The following CALY variants were observed in gnomAD, a reference collection of about 807,000 sequenced individuals.
CALY encodes neuron-specific vesicular protein calcyon.
Under a neutral mutation model 20.2 loss-of-function variants are expected in CALY, and 15 were observed. The observed-to-expected ratio is 0.74, with a 90% CI of 0.50 to 1.14. The LOEUF is 1.14. Among genes scored for constraint, CALY ranks in the 50% most tolerant of loss-of-function variants. CALY has a pLI of 0.00. For synonymous variants in CALY, 129 were observed against 131.8 expected, an observed-to-expected ratio of 0.98 and a Z score of 0.15; for missense variants, 270 against 304.4, an observed-to-expected ratio of 0.89 and a Z score of 0.84.
rs1282729971 is a variant in CALY at position 133,326,870 on chromosome 10, C to T, written c.360+8G>A. ...CTACACCCCCCACCAGAGCCCTGGC[C>T]CCCTTACCCGCAGCAGGAAGCCGTC... On this transcript the variant is annotated splice_region_variant and intron_variant, in intron 4 of 5. Transcript: ENST00000252939. The T allele has an allele frequency of 6.3e-7, 1 of 1,590,288 alleles. No individual in the cohort carries two copies. The highest frequency in any genetic ancestry group is 8.6e-7 in the Non-Finnish European group (1 of 1,166,642).
At chr10:133,333,312 G>A (rs1267862715) in intron 1 of CALY, among the ~76,000 whole-genome samples, 1 of 102,680 alleles carries the variant, frequency 9.7e-6, no homozygotes, top group East Asian at 3.6e-4. Context: ...GGAAGGATCC[G>A]AGGGGTGAGG....
chr10:133,329,541 A>T (rs1201840958), intron 1 of CALY, among the ~76,000 whole-genome samples: 1 of 151,712 alleles, frequency 6.6e-6, no homozygotes, highest in Non-Finnish European at 1.5e-5. Flanking sequence ...GCGCCCCACC[A>T]CGCCTGGCTA....
At chr10:133,336,411 C>T (rs1848444290) in intron 1 of CALY, among the ~76,000 whole-genome samples, 1 of 142,680 alleles carries the variant, frequency 7.0e-6, no homozygotes, top group African/African-American at 2.5e-5. Flanking sequence ...GTGCTCTGGT[C>T]CGACGCCCCT....
chr10:133,335,592 G>C (rs1436363447), intron 1 of CALY, among the ~76,000 whole-genome samples: 1 of 152,172 alleles, frequency 6.6e-6, no homozygotes, highest in Non-Finnish European at 1.5e-5. Context: ...TGCGGGGTTG[G>C]AAAGGGGGGA....
At chr10:133,332,070 C>A (rs566552693) in intron 1 of CALY, among the ~76,000 whole-genome samples, 1 of 151,212 alleles carries the variant, frequency 6.6e-6, no homozygotes, top group Non-Finnish European at 1.5e-5. Context: ...GAGGTTGCAG[C>A]GAGCTGAGAT....
At chr10:133,335,799 C>T (rs1848430772) in intron 1 of CALY, among the ~76,000 whole-genome samples, 1 of 152,216 alleles carries the variant, frequency 6.6e-6, no homozygotes, top group Non-Finnish European at 1.5e-5. Context: ...CCCCACCCGC[C>T]GCGCTCTGGC....
chr10:133,326,448 A>G, intron 4 of CALY: 1 of 576,354 alleles, frequency 1.7e-6, no homozygotes, highest in Non-Finnish European at 3.1e-6. Flanking sequence ...TACTTCTGAT[A>G]AATAAAAGGC....
intron 1 of CALY, among the ~76,000 whole-genome samples, chr10:133,332,317 A>G (rs10745293): frequency 1 from 152,301 of 152,304 alleles, 76,149 homozygotes; most frequent in Non-Finnish European, 1. Flanking sequence ...ATCAAGAGCA[A>G]TGAGCCTGAT....
intron 1 of CALY, among the ~76,000 whole-genome samples, chr10:133,332,065 T>C (rs1225915624): frequency 6.6e-6 from 1 of 151,748 alleles, no homozygotes; most frequent in Non-Finnish European, 1.5e-5. Flanking sequence ...AGGCAGAGGT[T>C]GCAGCGAGCT....
At chr10:133,329,991 A>G (rs1848276721) in intron 1 of CALY, among the ~76,000 whole-genome samples, 1 of 152,228 alleles carries the variant, frequency 6.6e-6, no homozygotes, top group Admixed American at 6.5e-5. Context: ...CGGAGCTGAA[A>G]GCCACAGCAG....
chr10:133,331,849 C>T (rs1372218576), intron 1 of CALY, among the ~76,000 whole-genome samples: 1 of 152,160 alleles, frequency 6.6e-6, no homozygotes, highest in African/African-American at 2.4e-5. Flanking sequence ...ACATGGATTG[C>T]CAGGCACAGT....
chr10:133,325,556 G>A lies in CALY; in HGVS notation c.*39C>T, dbSNP rs2136166494. The A allele has an allele frequency of 3.8e-6, 1 of 266,618 alleles. No individual in the cohort carries two copies. Among genetic ancestry groups the A allele is most frequent in the African/African-American group, 2.2e-5 (1 of 44,724 alleles). 16.5% of individuals were successfully genotyped at this position (266,618 alleles called of 1,614,324 possible). ...GGGAGACGCGCTGGTCACAGGAGCT[G>A]GCGGAGGACGCTGCGGAGACAGAGC... On this transcript the variant is annotated 3_prime_UTR_variant, in exon 6 of 6. Coordinates refer to ENST00000252939, the MANE Select transcript of CALY (RefSeq NM_015722.4).
chr10:133,327,393 CAT>C (rs1848231895), intron 3 of CALY: 2 of 481,138 alleles, frequency 4.2e-6, no homozygotes, highest in Admixed American at 7.6e-5. Flanking sequence ...TGTGTGGTAA[CAT>C]GAGCTGCAGA....
At chr10:133,325,717 G>C (rs1318524786) in intron 5 of CALY, 82 bp downstream of exon 5, 1 of 590,468 alleles carries the variant, frequency 1.7e-6, no homozygotes, top group Non-Finnish European at 2.4e-6. Flanking sequence ...AGGGTGGCGG[G>C]GGTCTTTGGC....
intron 1 of CALY, among the ~76,000 whole-genome samples, chr10:133,336,341 C>T (rs1000421501): frequency 3.9e-5 from 6 of 152,188 alleles, no homozygotes; most frequent in African/African-American, 1.2e-4. Context: ...GCCTGTCACG[C>T]AGACGCCCCC....
In CALY at chr10:133,331,961, G is replaced by A. The variant is rs57940567; in HGVS notation, c.-20-2952C>T. On this transcript the variant is annotated intron_variant, in intron 1 of 5. Transcript: ENST00000252939. ...GGCCAACATGGTGAAACCCTGTCTC[G>A]ACTAAAAATACAAAAACTAGCCGGG... is the stretch of plus-strand genomic sequence containing the variant. Among the ~76,000 whole-genome samples, 513 of 151,974 alleles carry A rather than the reference G, an allele frequency of 3.4e-3. 2 individuals carry two copies. Among genetic ancestry groups the A allele is most frequent in the African/African-American group, 0.012 (491 of 41,466 alleles).
rs891653488 is a variant in CALY, at chr10:133,324,438, G to T, written c.*1157C>A. 4.4e-6 allele frequency: 2 copies of T among 454,030 alleles called. No individual in the cohort carries two copies. The highest frequency in any genetic ancestry group is 4.0e-5 in the African/African-American group (2 of 49,756). 28.1% of individuals were successfully genotyped at this position (454,030 alleles called of 1,614,324 possible). A position where few individuals can be genotyped will look rare whatever the true frequency, so the allele number is the denominator to read the frequency against. On this transcript the variant is annotated 3_prime_UTR_variant, in exon 6 of 6. Transcript: ENST00000252939. ...AGCAAGCCTGGGAGCCAATGGTGGG[G>T]GGCTTCCATCCACCAATGGTCGGGG...
chr10:133,326,253 A>G (rs762637344), intron 4 of CALY, 133 bp from the exon 5 acceptor site: 6 of 1,550,508 alleles, frequency 3.9e-6, no homozygotes, highest in Non-Finnish European at 5.2e-6. Context: ...GACACCGAAG[A>G]TCAGCCTCCA....
chr10:133,333,021 C>G (rs972049829), intron 1 of CALY, among the ~76,000 whole-genome samples: 1 of 151,892 alleles, frequency 6.6e-6, no homozygotes, highest in Non-Finnish European at 1.5e-5. Flanking sequence ...TTTGTGACAG[C>G]AGCGCGAGGA....
Sources: gnomAD v4.1 joint callset for allele counts (sites outside exome capture counted in the v4.1 genomes callset) on GRCh38, gnomAD v4.1.1 for gene constraint, MANE v1.5 for transcripts, NCBI Gene and HGNC (gene_info 2026-07-23, HGNC 2026-07-21) for gene names.